The following NAV1 variants were observed in gnomAD, a reference collection of about 807,000 sequenced individuals.
The protein encoded by NAV1 is pore membrane and/or filament interacting like protein 3.
NAV1 carries 18 observed loss-of-function variants against 175.2 expected under a neutral mutation model. The ratio of observed to expected loss-of-function variants is 0.10; its 90% CI spans 0.07 to 0.15. The LOEUF is 0.15. NAV1 is among the 10% of genes least tolerant of loss of function. The pLI, the probability that NAV1 is intolerant of heterozygous loss-of-function variation, is 1.00. For missense variants in NAV1, 1,731 were observed against 2,436.6 expected, an observed-to-expected ratio of 0.71 and a Z score of 6.10; for synonymous variants, 897 against 978.7, an observed-to-expected ratio of 0.92 and a Z score of 1.56.
At chr1:201,688,236 G>A (rs1000171381) in intron 1 of NAV1, 5 of 152,362 alleles carry the variant, frequency 3.3e-5, no homozygotes, top group Admixed American at 2.0e-4. Flanking sequence ...GGGCTCCTTG[G>A]TGGGGTGAGG....
chr1:201,648,576 C>A (rs1669063871), exon 1 of NAV1: 4 of 1,264,096 alleles, frequency 3.2e-6, no homozygotes, highest in Non-Finnish European at 4.0e-6. Context: ...CCCCCTCCTC[C>A]TCCCCCGCCT....
At chr1:201,669,838 C>T (rs1669966991) in intron 1 of NAV1, among the ~76,000 whole-genome samples, 1 of 152,170 alleles carries the variant, frequency 6.6e-6, no homozygotes, top group African/African-American at 2.4e-5. Flanking sequence ...ACCAGGGATT[C>T]CCCGGGAAAA....
At chr1:201,542,582 G>A (rs1337783698) in intron 1 of NAV1, among the ~76,000 whole-genome samples, 2 of 152,142 alleles carry the variant, frequency 1.3e-5, no homozygotes, top group South Asian at 2.1e-4. Context: ...AGAGGCCTGC[G>A]ATTTTGCTTC....
At chr1:201,618,806 C>G (rs900968130), upstream of NAV1, among the ~76,000 whole-genome samples, 4 of 152,182 alleles carry the variant, frequency 2.6e-5, no homozygotes, top group African/African-American at 9.7e-5. Flanking sequence ...AACAATGTCT[C>G]AATACAAGGG....
chr1:201,602,955 A>G (rs17314813), intron 2 of NAV1, among the ~76,000 whole-genome samples: 14,968 of 152,176 alleles, frequency 0.098, 898 homozygotes, highest in East Asian at 0.14. Flanking sequence ...CTTCAAAACC[A>G]CAGAGGGATT....
intron 26 of NAV1, 25 bp downstream of exon 30, chr1:201,811,999 C>A (rs1188011923): frequency 1.2e-6 from 2 of 1,604,652 alleles, no homozygotes; most frequent in Non-Finnish European, 1.7e-6. Flanking sequence ...TCTGGATGAA[C>A]CTTCTGACCC....
At chr1:201,714,336 C>T (rs894452499) in intron 2 of NAV1, among the ~76,000 whole-genome samples, 1 of 152,228 alleles carries the variant, frequency 6.6e-6, no homozygotes, top group African/African-American at 2.4e-5. Flanking sequence ...TGACCCTTCT[C>T]CTTCTCCTTC....
chr1:201,819,553 C>T (rs957331538), intron 29 of NAV1, among the ~76,000 whole-genome samples: 3 of 151,070 alleles, frequency 2.0e-5, no homozygotes, highest in Non-Finnish European at 2.9e-5. Flanking sequence ...AACTCCTAGG[C>T]TCATAGGCTC....
At chr1:201,554,639 C>T (rs571714823) in intron 1 of NAV1, among the ~76,000 whole-genome samples, 14 of 152,308 alleles carry the variant, frequency 9.2e-5, no homozygotes, top group Admixed American at 7.2e-4. Flanking sequence ...ATCCAAAAGT[C>T]GTGCAGTCTT....
chr1:201,618,721 C>T (rs558007521), upstream of NAV1, among the ~76,000 whole-genome samples: 10 of 152,188 alleles, frequency 6.6e-5, no homozygotes, highest in Non-Finnish European at 2.9e-5. Context: ...CTCACTTAAC[C>T]TTCTCCACCT....
chr1:201,737,869 G>A (rs190160906), intron 3 of NAV1, among the ~76,000 whole-genome samples: 266 of 152,286 alleles, frequency 1.7e-3, no homozygotes, highest in African/African-American at 5.4e-3. Context: ...TGCTGGCTGA[G>A]GCTAAAGAGA....
chr1:201,592,706 A>G (rs1667235438), intron 2 of NAV1, among the ~76,000 whole-genome samples: 1 of 152,054 alleles, frequency 6.6e-6, no homozygotes, highest in Non-Finnish European at 1.5e-5. Flanking sequence ...GAGATAATCA[A>G]TTGTACCCAG....
intron 2 of NAV1, among the ~76,000 whole-genome samples, chr1:201,589,532 C>T (rs528108828): frequency 2.2e-4 from 34 of 152,304 alleles, no homozygotes; most frequent in Admixed American, 1.6e-3. Context: ...TACTCAGTCT[C>T]CTAGGCTGAA....
chr1:201,570,766 T>C (rs1208194036), intron 1 of NAV1, among the ~76,000 whole-genome samples: 1 of 152,154 alleles, frequency 6.6e-6, no homozygotes, highest in Admixed American at 6.5e-5. Context: ...TGGGATCTAT[T>C]CTCTCAATGG....
upstream of NAV1, among the ~76,000 whole-genome samples, chr1:201,621,039 G>T (rs566467076): frequency 6.6e-6 from 1 of 152,162 alleles, no homozygotes; most frequent in Admixed American, 6.5e-5. Flanking sequence ...TCCTGCCTCA[G>T]CCTCCCAAGT....
At chr1:201,696,839 A>G (rs1053002642) in intron 1 of NAV1, among the ~76,000 whole-genome samples, 17 of 152,108 alleles carry the variant, frequency 1.1e-4, no homozygotes, top group African/African-American at 4.1e-4. Flanking sequence ...AAATCGGAGT[A>G]CTCATACTTA....
chr1:201,633,355 C>T (rs1558027757), intron 2 of NAV1, among the ~76,000 whole-genome samples: 1 of 152,206 alleles, frequency 6.6e-6, no homozygotes, highest in Non-Finnish European at 1.5e-5. Flanking sequence ...TATTATTACT[C>T]TGTGTTATGG....
chr1:201,675,948 C>A (rs1670233236), intron 1 of NAV1, among the ~76,000 whole-genome samples: 2 of 152,330 alleles, frequency 1.3e-5, no homozygotes, highest in Middle Eastern at 3.4e-3. Flanking sequence ...AAATCACCAT[C>A]CCAAGCCCCA....
exon 25 of NAV1, chr1:201,811,662 G>A: frequency 6.2e-7 from 1 of 1,614,110 alleles, no homozygotes; most frequent in South Asian, 1.1e-5. Flanking sequence ...CAGGAATTGG[G>A]GATGTGCCCC....
Sources: allele counts gnomAD v4.1 joint callset (sites outside exome capture counted in the v4.1 genomes callset), GRCh38; gene constraint gnomAD v4.1.1; transcripts MANE v1.5; gene names NCBI Gene and HGNC (gene_info 2026-07-23, HGNC 2026-07-21).